Variants in SPMIP6 observed in about 807,000 individuals in gnomAD.
The protein encoded by SPMIP6 is ciliated bronchial epithelial protein 1.
the SPMIP6 span, chr9:34,379,561 C>A: frequency 8.2e-7 from 1 of 1,216,136 alleles, no homozygotes; most frequent in Non-Finnish European, 1.2e-6. The surrounding 1 kb of genome is among the most constrained non-coding windows in gnomAD (Gnocchi z 4.2). Context: ...CGTTCTCATC[C>A]CGTCTACCAG....
the SPMIP6 span, among the ~76,000 whole-genome samples, chr9:34,384,565 G>A: frequency 2.0e-5 from 3 of 152,216 alleles, no homozygotes; most frequent in Admixed American, 1.3e-4. Flanking sequence ...GCAGAGTCCT[G>A]TGGATTTGGT....
the SPMIP6 span, among the ~76,000 whole-genome samples, chr9:34,396,631 G>T: frequency 6.6e-6 from 1 of 152,108 alleles, no homozygotes; most frequent in South Asian, 2.1e-4. Flanking sequence ...AACAGTTTCA[G>T]TTTCTGGTAG....
the SPMIP6 span, chr9:34,379,276 G>T: frequency 1.3e-6 from 1 of 779,026 alleles, no homozygotes; most frequent in Non-Finnish European, 2.3e-6. This position sits in a 1 kb window ranked among gnomAD's most constrained non-coding sequence, Gnocchi z 4.2. Flanking sequence ...CCTACACTTT[G>T]TCTATAGCAC....
the SPMIP6 span, chr9:34,397,461 C>T: frequency 8.7e-6 from 14 of 1,609,392 alleles, no homozygotes; most frequent in Admixed American, 1.7e-4. Flanking sequence ...ACTGGCCATA[C>T]ACTCTGGCCT....
At chr9:34,379,171 T>C in the SPMIP6 span, 3 of 1,610,938 alleles carry the variant, frequency 1.9e-6, no homozygotes, top group Admixed American at 5.0e-5. This position sits in a 1 kb window ranked among gnomAD's most constrained non-coding sequence, Gnocchi z 4.2. Context: ...TTGAAGTGAC[T>C]TGTGTCCCAT....
At chr9:34,395,671 G>C in the SPMIP6 span, among the ~76,000 whole-genome samples, 2 of 152,054 alleles carry the variant, frequency 1.3e-5, no homozygotes, top group African/African-American at 2.4e-5. Context: ...CTAACTACTT[G>C]CCAAACATCT....
At chr9:34,389,515 G>T in the SPMIP6 span, among the ~76,000 whole-genome samples, 1 of 152,030 alleles carries the variant, frequency 6.6e-6, no homozygotes, top group Non-Finnish European at 1.5e-5. Context: ...TAGTAACTGG[G>T]ACTACAGGCA....
At chr9:34,379,633 G>A in the SPMIP6 span, 2 of 1,611,180 alleles carry the variant, frequency 1.2e-6, no homozygotes, top group Admixed American at 1.7e-5. This position sits in a 1 kb window ranked among gnomAD's most constrained non-coding sequence, Gnocchi z 4.2. Context: ...GAGTGTGTGC[G>A]CGTTAGACTT....
At chr9:34,392,836 C>T in the SPMIP6 span, among the ~76,000 whole-genome samples, 30 of 152,300 alleles carry the variant, frequency 2.0e-4, no homozygotes, top group Middle Eastern at 6.8e-3. The surrounding 1 kb of genome is among the most constrained non-coding windows in gnomAD (Gnocchi z 4.6). Flanking sequence ...AGCTGGTGCC[C>T]TTTGCCATGG....
chr9:34,385,642 T>A, the SPMIP6 span: 1 of 1,610,052 alleles, frequency 6.2e-7, no homozygotes, highest in Non-Finnish European at 8.5e-7. Flanking sequence ...CTTACCTTCC[T>A]CTTGAGAAAG....
the SPMIP6 span, chr9:34,382,583 TAAAAAAAAAAA>T: frequency 1.9e-6 from 1 of 513,976 alleles, no homozygotes; most frequent in Non-Finnish European, 3.5e-6. Context: ...AGACTCTATC[TAAAAAAAAAAA>T]AAAATACAAA....
the SPMIP6 span, among the ~76,000 whole-genome samples, chr9:34,389,097 G>A: frequency 1.3e-5 from 2 of 151,800 alleles, no homozygotes; most frequent in African/African-American, 4.8e-5. Context: ...ACACCCAGCT[G>A]ATTTTTTTTT....
the SPMIP6 span, chr9:34,379,916 A>C: frequency 1.8e-6 from 1 of 549,326 alleles, no homozygotes; most frequent in Non-Finnish European, 3.2e-6. The surrounding 1 kb of genome is among the most constrained non-coding windows in gnomAD (Gnocchi z 4.2). Flanking sequence ...CCCTTGGAAG[A>C]CTCCCTCCCG....
the SPMIP6 span, chr9:34,385,548 A>G: frequency 1.9e-6 from 2 of 1,042,258 alleles, no homozygotes; most frequent in African/African-American, 3.3e-5. Flanking sequence ...AAAAAAAAAA[A>G]AAAAAAAAAA....
chr9:34,390,701 AT>A, the SPMIP6 span, among the ~76,000 whole-genome samples: 19 of 151,496 alleles, frequency 1.3e-4, no homozygotes, highest in African/African-American at 4.1e-4. Flanking sequence ...CTTTTGATTA[AT>A]TTTTTTTTGT....
the SPMIP6 span, chr9:34,379,789 C>G: frequency 5.1e-6 from 7 of 1,369,152 alleles, no homozygotes; most frequent in Non-Finnish European, 7.2e-6. This position sits in a 1 kb window ranked among gnomAD's most constrained non-coding sequence, Gnocchi z 4.2. Context: ...CTCTCATCCC[C>G]CGATTTAGAC....
the SPMIP6 span, chr9:34,379,691 GCACACTGC>G: frequency 1.2e-6 from 2 of 1,614,138 alleles, no homozygotes; most frequent in Admixed American, 3.3e-5. This position sits in a 1 kb window ranked among gnomAD's most constrained non-coding sequence, Gnocchi z 4.2. Flanking sequence ...AGTTGTAACA[GCACACTGC>G]ATTCCGGGCC....
the SPMIP6 span, chr9:34,380,594 C>T: frequency 1.1e-5 from 16 of 1,438,350 alleles, no homozygotes; most frequent in Non-Finnish European, 1.5e-5. Context: ...GGGTTTCTTC[C>T]TCAAAAACCC....
chr9:34,387,837 G>A, the SPMIP6 span, among the ~76,000 whole-genome samples: 1 of 152,150 alleles, frequency 6.6e-6, no homozygotes, highest in Non-Finnish European at 1.5e-5. Flanking sequence ...AAACTCTAAT[G>A]TCAATATCTG....
Sources: gnomAD v4.1 joint callset for allele counts (sites outside exome capture counted in the v4.1 genomes callset) on GRCh38, gnomAD v4.1.1 for gene constraint, Gnocchi (gnomAD v3.1) non-coding constraint, MANE v1.5 for transcripts, NCBI Gene and HGNC (gene_info 2026-07-23, HGNC 2026-07-21) for gene names.